The following FAM117A variants were observed in gnomAD, a reference collection of about 807,000 sequenced individuals.
The protein encoded by FAM117A is family with sequence similarity 117 member A.
Under a neutral mutation model 44.1 loss-of-function variants are expected in FAM117A, and 21 were observed. The observed-to-expected ratio is 0.48, with a 90% CI of 0.34 to 0.69. The LOEUF (loss-of-function observed/expected upper bound fraction) is 0.69, where lower values mean the gene tolerates loss of function less well. Ranked by LOEUF, FAM117A falls within the 30% of genes least tolerant of loss-of-function variation. The pLI is 0.01. For synonymous variants in FAM117A, 220 were observed against 238.3 expected (o/e 0.92, Z 0.71); for missense variants, 498 against 589.9 (o/e 0.84, Z 1.61).
chr17:49,734,435 A>C (rs143078133), intron 1 of FAM117A, among the ~76,000 whole-genome samples: 1,784 of 149,880 alleles, frequency 0.012, 20 homozygotes, highest in Admixed American at 0.023. Flanking sequence ...TAAAAACAAA[A>C]AAAAAAATTA....
chr17:49,730,876 A>C (rs1285709359), intron 2 of FAM117A, among the ~76,000 whole-genome samples: 5 of 152,124 alleles, frequency 3.3e-5, no homozygotes, highest in Non-Finnish European at 7.4e-5. Flanking sequence ...ATTCTTGTTG[A>C]TTCAAGGTGG....
upstream of FAM117A, chr17:49,788,711 G>A (rs1412123707): frequency 1.9e-6 from 2 of 1,038,868 alleles, no homozygotes; most frequent in East Asian, 3.1e-5. Flanking sequence ...AGAGGCAGGA[G>A]GCACTAGGGA....
intron 1 of FAM117A, among the ~76,000 whole-genome samples, chr17:49,758,796 G>A (rs1435949331): frequency 6.6e-6 from 1 of 152,088 alleles, no homozygotes; most frequent in African/African-American, 2.4e-5. Context: ...AACCAGACCT[G>A]CCCCTCAGAA....
intron 2 of FAM117A, among the ~76,000 whole-genome samples, chr17:49,723,353 T>G (rs2073544284): frequency 6.6e-6 from 1 of 152,186 alleles, no homozygotes; most frequent in Admixed American, 6.5e-5. Flanking sequence ...TCTCCCTTGC[T>G]GCACCGAAGA....
intron 2 of FAM117A, among the ~76,000 whole-genome samples, chr17:49,723,854 G>A (rs1361866233): frequency 2.0e-5 from 3 of 152,096 alleles, no homozygotes; most frequent in South Asian, 2.1e-4. Context: ...ACTGGGCCAC[G>A]CAACATAGCC....
intron 2 of FAM117A, among the ~76,000 whole-genome samples, chr17:49,723,763 C>T (rs544066282): frequency 6.6e-6 from 1 of 152,040 alleles, no homozygotes; most frequent in East Asian, 1.9e-4. Flanking sequence ...CCGTATGTGA[C>T]AGCTGCAGTG....
chr17:49,720,267 A>T, intron 4 of FAM117A, 59 bp downstream of exon 4: 1 of 1,378,406 alleles, frequency 7.3e-7, no homozygotes, highest in Admixed American at 1.7e-5. Context: ...ACCTCTGCCC[A>T]TATAGGGGGG....
rs559525418 is a variant in FAM117A at position 49,742,966 on chromosome 17, T to C, written c.197-10246A>G. Among the ~76,000 whole-genome samples the C allele has an allele frequency of 1.3e-4, 20 of 152,340 alleles. No homozygotes were observed. The East Asian group carries it at 1.7e-3, about 13-fold the overall frequency. ...CCCCACAAGCTCATGAATTCTCTTA[T>C]GGAAGAGAGGGCTGAGCTTCCAAGG... is the stretch of plus-strand genomic sequence containing the variant. On this transcript the variant is annotated intron_variant, in intron 1 of 7. Coordinates refer to ENST00000240364, the MANE Select transcript of FAM117A (RefSeq NM_030802.4).
intron 2 of FAM117A, among the ~76,000 whole-genome samples, chr17:49,730,249 AG>A (rs912760847): frequency 9.9e-5 from 15 of 152,214 alleles, no homozygotes; most frequent in South Asian, 4.1e-4. Context: ...AGCCCATCCC[AG>A]GGAAAGAGGA....
chr17:49,723,669 G>GA (rs545103982), intron 2 of FAM117A, among the ~76,000 whole-genome samples: 364 of 152,124 alleles, frequency 2.4e-3, no homozygotes, highest in Non-Finnish European at 3.7e-3. Flanking sequence ...GGAGGACGGG[G>GA]AAAAAAACCC....
At chr17:49,751,395 A>G (rs1398872678) in intron 1 of FAM117A, among the ~76,000 whole-genome samples, 2 of 151,744 alleles carry the variant, frequency 1.3e-5, no homozygotes, top group East Asian at 3.9e-4. Context: ...CCTGGTCAAC[A>G]TGGTGAAACC....
intron 7 of FAM117A, among the ~76,000 whole-genome samples, chr17:49,714,731 C>T (rs1319043905): frequency 6.6e-6 from 1 of 151,566 alleles, no homozygotes; most frequent in East Asian, 1.9e-4. Context: ...ACTGCAACCT[C>T]TGCCTCCCAG....
intron 1 of FAM117A, among the ~76,000 whole-genome samples, chr17:49,737,013 G>A (rs1158254145): frequency 6.6e-6 from 1 of 152,218 alleles, no homozygotes; most frequent in Admixed American, 6.5e-5. Context: ...TCACAAGAAG[G>A]GTCAACTGGC....
intron 1 of FAM117A, among the ~76,000 whole-genome samples, chr17:49,782,482 G>A (rs1331758443): frequency 6.7e-6 from 1 of 150,330 alleles, no homozygotes; most frequent in East Asian, 2.0e-4. Flanking sequence ...TTGAGACCAC[G>A]AGTTTGAGAC....
chr17:49,787,860 G>C (rs1360582583), intron 1 of FAM117A, among the ~76,000 whole-genome samples: 1 of 152,076 alleles, frequency 6.6e-6, no homozygotes, highest in African/African-American at 2.4e-5. Flanking sequence ...CCTCCGCCTC[G>C]TAACTCTCTG....
chr17:49,764,614 C>CA (rs2073739354), upstream of FAM117A, among the ~76,000 whole-genome samples: 2 of 152,132 alleles, frequency 1.3e-5, no homozygotes, highest in Admixed American at 6.5e-5. Flanking sequence ...GCGATACCTT[C>CA]AAAAAGTATT....
At chr17:49,760,889 T>G in intron 1 of FAM117A, among the ~76,000 whole-genome samples, 1 of 152,246 alleles carries the variant, frequency 6.6e-6, no homozygotes, top group South Asian at 2.1e-4. Flanking sequence ...TACTACCCAA[T>G]AATGGCTCTT....
At chr17:49,746,861 G>A (rs1005848680) in intron 1 of FAM117A, among the ~76,000 whole-genome samples, 1 of 152,192 alleles carries the variant, frequency 6.6e-6, no homozygotes, top group Non-Finnish European at 1.5e-5. Flanking sequence ...CAGTAAAAAG[G>A]CTTTAGTTAG....
intron 2 of FAM117A, among the ~76,000 whole-genome samples, chr17:49,731,253 C>T (rs1374502346): frequency 6.6e-6 from 1 of 152,230 alleles, no homozygotes; most frequent in Non-Finnish European, 1.5e-5. Flanking sequence ...TGCCCAATGT[C>T]CCCCAGGGTG....
Sources: allele counts gnomAD v4.1 joint callset (sites outside exome capture counted in the v4.1 genomes callset), GRCh38; gene constraint gnomAD v4.1.1; transcripts MANE v1.5; gene names NCBI Gene and HGNC (gene_info 2026-07-23, HGNC 2026-07-21).